Variants in ARHGAP15 observed in about 807,000 individuals in gnomAD.
The protein encoded by ARHGAP15 is rho GTPase-activating protein 15.
Under a neutral mutation model 63.7 loss-of-function variants are expected in ARHGAP15, and 51 were observed. The ratio of observed to expected loss-of-function variants is 0.80; its 90% CI spans 0.64 to 1.01. ARHGAP15 has a LOEUF of 1.01. ARHGAP15 is among the 50% of genes least tolerant of loss of function. The pLI is 0.00. For missense variants in ARHGAP15, 560 were observed against 564.6 expected, an observed-to-expected ratio of 0.99 and a Z score of 0.08; for synonymous variants, 191 against 193.8, an observed-to-expected ratio of 0.99 and a Z score of 0.12.
Position 143,155,628 on chromosome 2 carries a change from C to T in ARHGAP15, c.138C>T (p.Leu46=), listed in dbSNP as rs765456843. The T allele has an allele frequency of 1.9e-6, 3 of 1,585,352 alleles. No homozygotes were observed. Among genetic ancestry groups the T allele is most frequent in the Middle Eastern group, 3.3e-4 (2 of 5,988 alleles). The change falls in exon 2 of 14, where the codon CTC becomes CTT. Residue 46 remains leucine (L), a synonymous_variant. Coordinates refer to ENST00000295095, the MANE Select transcript of ARHGAP15 (RefSeq NM_018460.4). The part of the protein sequence containing the change: ...DRLSQSKSMI[L]TDVGKVTEPI... ...TCAGCCAAAGTAAATCCATGATCCTCACCGATGTCGGGAAGGTCACTGAAC... is the reference window on the plus strand; with the variant it reads ...TCAGCCAAAGTAAATCCATGATCCTTACCGATGTCGGGAAGGTCACTGAAC...
rs186115710 is a variant in ARHGAP15, at chr2:143,308,353, A to G, written c.474+57753A>G. ...CACTTTGTAGCCAGAAAGAACCACCATGGGATTCTTGAGGTCGCACTAGCT... is the reference window on the plus strand; with the variant it reads ...CACTTTGTAGCCAGAAAGAACCACCGTGGGATTCTTGAGGTCGCACTAGCT... On this transcript the variant is annotated intron_variant, in intron 6 of 13. Coordinates refer to ENST00000295095, the MANE Select transcript of ARHGAP15 (RefSeq NM_018460.4). Among the ~76,000 whole-genome samples, 17 of 152,228 alleles carry G rather than the reference A, an allele frequency of 1.1e-4. No individual in the cohort carries two copies. In the East Asian group the frequency reaches 1.7e-3, roughly 16 times the overall value.
intron 2 of ARHGAP15, among the ~76,000 whole-genome samples, chr2:143,180,102 T>C (rs1691177069): frequency 2.0e-5 from 3 of 152,208 alleles, no homozygotes; most frequent in East Asian, 1.9e-4. Context: ...GTTTACCACA[T>C]TGGTTGCCTC....
chr2:143,224,053 G>C (rs1367856980), intron 4 of ARHGAP15, among the ~76,000 whole-genome samples: 4 of 152,160 alleles, frequency 2.6e-5, no homozygotes, highest in Non-Finnish European at 5.9e-5. Flanking sequence ...GTTTAATGGA[G>C]ACATGTGACC....
intron 12 of ARHGAP15, among the ~76,000 whole-genome samples, chr2:143,691,543 T>G (rs1289795699): frequency 1.3e-5 from 2 of 152,200 alleles, no homozygotes; most frequent in African/African-American, 4.8e-5. Context: ...TGGCTATTAT[T>G]GGTTATTCTC....
chr2:143,399,358 C>A (rs1687902147), intron 6 of ARHGAP15, among the ~76,000 whole-genome samples: 1 of 151,228 alleles, frequency 6.6e-6, no homozygotes, highest in Admixed American at 6.6e-5. Flanking sequence ...AGCACTGAGG[C>A]AAAAAAATAA....
intron 12 of ARHGAP15, among the ~76,000 whole-genome samples, chr2:143,629,304 C>A (rs1207088916): frequency 6.6e-6 from 1 of 151,980 alleles, no homozygotes; most frequent in East Asian, 1.9e-4. Context: ...TCTCAGAATC[C>A]AAGTACAGCA....
chr2:143,573,580 T>G (rs914613939), intron 11 of ARHGAP15, among the ~76,000 whole-genome samples: 1 of 152,236 alleles, frequency 6.6e-6, no homozygotes, highest in African/African-American at 2.4e-5. Context: ...AGGATTTAAT[T>G]GGAAAGATAA....
At chr2:143,510,598 C>T (rs1693540975) in intron 9 of ARHGAP15, among the ~76,000 whole-genome samples, 1 of 152,184 alleles carries the variant, frequency 6.6e-6, no homozygotes, top group African/African-American at 2.4e-5. Context: ...TGAATTCCTT[C>T]CTACTTCCAC....
intron 13 of ARHGAP15, among the ~76,000 whole-genome samples, chr2:143,721,420 A>G (rs1379291835): frequency 1.3e-5 from 2 of 152,204 alleles, no homozygotes; most frequent in African/African-American, 4.8e-5. Context: ...GAAAAGGTAA[A>G]GAACATGGTC....
At chr2:143,465,871 C>A (rs1261106707) in intron 8 of ARHGAP15, among the ~76,000 whole-genome samples, 2 of 152,074 alleles carry the variant, frequency 1.3e-5, no homozygotes, top group African/African-American at 4.8e-5. Context: ...ATTCACATCA[C>A]CTCTCTAGTT....
intron 6 of ARHGAP15, chr2:143,435,338 A>G: frequency 1.6e-5 from 17 of 1,089,888 alleles, no homozygotes; most frequent in Non-Finnish European, 1.9e-5. Flanking sequence ...TTTCTCCTTA[A>G]GTTGGAGTAA....
chr2:143,424,469 A>C (rs1689062678), intron 6 of ARHGAP15, among the ~76,000 whole-genome samples: 1 of 152,018 alleles, frequency 6.6e-6, no homozygotes, highest in Non-Finnish European at 1.5e-5. Context: ...ATGTTTGGTA[A>C]CACCACCATT....
At chr2:143,218,854 G>A (rs951132031) in intron 4 of ARHGAP15, among the ~76,000 whole-genome samples, 6 of 152,028 alleles carry the variant, frequency 3.9e-5, no homozygotes, top group Admixed American at 3.9e-4. Context: ...GTAACATAAT[G>A]GTATTTGTGT....
At chr2:143,301,887 A>G (rs957717003) in intron 6 of ARHGAP15, among the ~76,000 whole-genome samples, 3 of 151,790 alleles carry the variant, frequency 2.0e-5, no homozygotes, top group Admixed American at 1.3e-4. Flanking sequence ...ATGGAGACAG[A>G]TGATAGAGAC....
At chr2:143,568,497 T>A (rs1696326166) in intron 11 of ARHGAP15, among the ~76,000 whole-genome samples, 2 of 152,240 alleles carry the variant, frequency 1.3e-5, no homozygotes, top group East Asian at 3.9e-4. Flanking sequence ...TGGCGATCAT[T>A]AAAAAGTCAG....
At chr2:143,243,359 GA>G (rs1175815724) in intron 5 of ARHGAP15, among the ~76,000 whole-genome samples, 1 of 152,086 alleles carries the variant, frequency 6.6e-6, no homozygotes, top group Non-Finnish European at 1.5e-5. Context: ...AATTTTTAAT[GA>G]CTTCACATTC....
At chr2:143,527,896 G>A (rs1694348641) in intron 10 of ARHGAP15, among the ~76,000 whole-genome samples, 1 of 152,058 alleles carries the variant, frequency 6.6e-6, no homozygotes, top group Admixed American at 6.6e-5. Context: ...GTTGTTGGTT[G>A]AAGGCAGCTC....
intron 13 of ARHGAP15, among the ~76,000 whole-genome samples, chr2:143,729,819 A>G (rs527836377): frequency 1.3e-5 from 2 of 152,230 alleles, no homozygotes; most frequent in Non-Finnish European, 2.9e-5. Flanking sequence ...GACTAAATGC[A>G]TTTTTAGAAA....
intron 6 of ARHGAP15, among the ~76,000 whole-genome samples, chr2:143,286,183 G>A (rs1376344817): frequency 2.4e-4 from 36 of 152,166 alleles, no homozygotes; most frequent in Admixed American, 2.3e-3. Context: ...GAAAAGTGGT[G>A]TTATTGTACT....
Sources: gnomAD v4.1 joint callset for allele counts (sites outside exome capture counted in the v4.1 genomes callset) on GRCh38, gnomAD v4.1.1 for gene constraint, MANE v1.5 for transcripts, NCBI Gene and HGNC (gene_info 2026-07-23, HGNC 2026-07-21) for gene names.